CAMK4: variants seen among roughly 807,000 people sequenced by gnomAD.
The protein encoded by CAMK4 is calcium/calmodulin dependent protein kinase IV.
CAMK4 carries 22 observed loss-of-function variants against 44.9 expected under a neutral mutation model. The ratio of observed to expected loss-of-function variants is 0.49; its 90% CI spans 0.35 to 0.70. CAMK4 has a LOEUF of 0.70. CAMK4 is among the 30% of genes least tolerant of loss of function. CAMK4 has a pLI of 0.01. For missense variants in CAMK4, 498 were observed against 586.8 expected, an observed-to-expected ratio of 0.85 and a Z score of 1.56; for synonymous variants, 218 against 215.4, an observed-to-expected ratio of 1.01 and a Z score of -0.11.
intron 5 of CAMK4, among the ~76,000 whole-genome samples, chr5:111,433,455 A>G (rs1462040974): frequency 5.3e-5 from 8 of 152,342 alleles, no homozygotes; most frequent in Non-Finnish European, 1.2e-4. Flanking sequence ...GGACCCAGAA[A>G]TGAATATCTA....
rs140217584 is a variant in CAMK4 at position 111,400,985 on chromosome 5, T to C, written c.459+6203T>C. Among the ~76,000 whole-genome samples, 415 of 152,306 alleles carry C rather than the reference T, an allele frequency of 2.7e-3. 1 individual carries two copies. Among genetic ancestry groups the C allele is most frequent in the Middle Eastern group, 0.01 (3 of 294 alleles). ...TGAGTGTTTCTCTGTTTCCAAAACA[T>C]CATCATCCCCTACATTATCCCCCAC... On this transcript the variant is annotated intron_variant, in intron 5 of 10. Transcript: ENST00000282356.
At chr5:111,317,153 A>G (rs915836504) in intron 1 of CAMK4, among the ~76,000 whole-genome samples, 7 of 152,162 alleles carry the variant, frequency 4.6e-5, no homozygotes, top group African/African-American at 1.7e-4. Context: ...ATATTAATGC[A>G]TCTGATAAGA....
chr5:111,234,395 TA>T lies in CAMK4; in HGVS notation c.161+9754del, dbSNP rs1748622333. ...CACATAGAAGAAAACAGAATGAGAG[TA>T]AAGGAATACAGATTGCACATCAAGC... On this transcript the variant is annotated intron_variant, in intron 1 of 10. Coordinates refer to ENST00000282356, the MANE Select transcript of CAMK4 (RefSeq NM_001744.6). 2.0e-5 allele frequency among the ~76,000 whole-genome samples: 3 copies of T among 151,822 alleles called. No homozygotes were observed. In the Middle Eastern group the frequency reaches 0.01, roughly 516 times the overall value.
intron 2 of CAMK4, among the ~76,000 whole-genome samples, chr5:111,346,156 T>C (rs1025340266): frequency 6.6e-6 from 1 of 151,858 alleles, no homozygotes; most frequent in East Asian, 2.0e-4. Flanking sequence ...CTTCCTTGTC[T>C]AAAGGAAATG....
chr5:111,486,793 A>T lies in CAMK4; in HGVS notation c.*2327A>T, dbSNP rs1234718934. ...CTCATTTAAATGAGTGCATATTACC[A>T]TTCCTCCATGTGAGTACTCGAGTTG... On this transcript the variant is annotated 3_prime_UTR_variant, in exon 11 of 11. Transcript: ENST00000282356. 6.6e-6 allele frequency: 1 copy of T among 152,132 alleles called. No individual in the cohort carries two copies. The highest frequency in any genetic ancestry group is 1.5e-5 in the Non-Finnish European group (1 of 68,018). 9.4% of individuals were successfully genotyped at this position (152,132 alleles called of 1,614,324 possible).
At chr5:111,465,527 C>T (rs1252118353) in intron 7 of CAMK4, among the ~76,000 whole-genome samples, 1 of 152,080 alleles carries the variant, frequency 6.6e-6, no homozygotes, top group Non-Finnish European at 1.5e-5. Context: ...GGAGATACTA[C>T]AACCAATACC....
Position 111,226,443 on chromosome 5 carries a change from T to C in CAMK4, c.161+1799T>C, listed in dbSNP as rs115328853. Among the ~76,000 whole-genome samples the C allele has an allele frequency of 8.9e-3, 1,359 of 152,330 alleles. 25 individuals carry two copies. The highest frequency in any genetic ancestry group is 0.032 in the African/African-American group (1,312 of 41,576). ...ACAGAAGCTTCTCAACTTATGATGG[T>C]GTTATGTCCCAATAAGCCCACTGTA... is the stretch of plus-strand genomic sequence containing the variant. On this transcript the variant is annotated intron_variant, in intron 1 of 10. Coordinates refer to ENST00000282356, the MANE Select transcript of CAMK4 (RefSeq NM_001744.6).
chr5:111,436,040 T>A (rs1225844067), intron 5 of CAMK4, among the ~76,000 whole-genome samples: 1 of 152,114 alleles, frequency 6.6e-6, no homozygotes, highest in Admixed American at 6.5e-5. Flanking sequence ...ACCTAGCTTT[T>A]TCTGTTCATT....
At chr5:111,454,228 G>T (rs1008099384) in intron 7 of CAMK4, among the ~76,000 whole-genome samples, 1 of 152,122 alleles carries the variant, frequency 6.6e-6, no homozygotes, top group African/African-American at 2.4e-5. Context: ...TATATCCAAG[G>T]TCGATTATCC....
At chr5:111,270,775 C>T (rs1254283702) in intron 1 of CAMK4, among the ~76,000 whole-genome samples, 1 of 152,184 alleles carries the variant, frequency 6.6e-6, no homozygotes, top group Non-Finnish European at 1.5e-5. Flanking sequence ...TTCTGAGTGC[C>T]AGGCACTAGA....
At chr5:111,282,299 G>A (rs957265137) in intron 1 of CAMK4, among the ~76,000 whole-genome samples, 18 of 152,208 alleles carry the variant, frequency 1.2e-4, no homozygotes, top group African/African-American at 4.3e-4. Flanking sequence ...GGCTGATGGG[G>A]AAATTGAAAA....
rs550406576 is a variant in CAMK4, at chr5:111,429,407, A to G, written c.460-17279A>G. Among the ~76,000 whole-genome samples, 32 of 152,334 alleles carry G rather than the reference A, an allele frequency of 2.1e-4. No homozygotes were observed. The South Asian group carries it at 3.7e-3, about 18-fold the overall frequency. The stretch of plus-strand genomic sequence containing the variant: ...AAGAAATGGACAAGTTCCTAGATAC[A>G]TGCAACCTACCAAGATTGAATCAGA... On this transcript the variant is annotated intron_variant, in intron 5 of 10. Transcript: ENST00000282356.
chr5:111,443,080 G>C (rs1263852858), intron 5 of CAMK4, among the ~76,000 whole-genome samples: 1 of 149,040 alleles, frequency 6.7e-6, no homozygotes. Context: ...TTTGGGAAAA[G>C]AAAAATCATA....
At chr5:111,458,001 A>G (rs1434981738) in intron 7 of CAMK4, among the ~76,000 whole-genome samples, 2 of 152,202 alleles carry the variant, frequency 1.3e-5, no homozygotes, top group Admixed American at 1.3e-4. Context: ...GCTGCACACT[A>G]GGGTTCCTGT....
chr5:111,345,700 C>A (rs1749835691), intron 2 of CAMK4, among the ~76,000 whole-genome samples: 1 of 151,912 alleles, frequency 6.6e-6, no homozygotes, highest in South Asian at 2.1e-4. Flanking sequence ...CCAAGGGCAA[C>A]AGGCTGGTTT....
chr5:111,416,536 C>T (rs1752821195), intron 5 of CAMK4: 1 of 152,080 alleles, frequency 6.6e-6, no homozygotes, highest in African/African-American at 2.4e-5. Flanking sequence ...TACATAGAAC[C>T]TCAAGATGTT....
At chr5:111,261,448 C>T (rs758440946) in intron 1 of CAMK4, among the ~76,000 whole-genome samples, 5 of 152,156 alleles carry the variant, frequency 3.3e-5, no homozygotes, top group South Asian at 2.1e-4. Flanking sequence ...ATTTCCCTTC[C>T]GGATCTCTGA....
chr5:111,482,882 A>G lies in CAMK4; in HGVS notation c.926A>G (p.His309Arg), dbSNP rs1755481735. 6.2e-7 allele frequency: 1 copy of G among 1,613,290 alleles called. No homozygotes were observed. The highest frequency in any genetic ancestry group is 8.5e-7 in the Non-Finnish European group (1 of 1,179,690). ...WVTGKAANFV[H>R]MDTAQKKLQE... is the part of the protein sequence containing the mutation. ...ACAGGTAAAGCAGCCAATTTTGTAC[A>G]CATGGATACCGCTCAAAAGAAGCTC... The change falls in exon 10 of 11, where the codon CAC becomes CGC. Residue 309 changes from histidine to arginine, a missense_variant. Transcript: ENST00000282356. The surrounding 1 kb of genome is among the most constrained non-coding windows in gnomAD (Gnocchi z 4.9).
intron 3 of CAMK4, 63 bp downstream of exon 3, chr5:111,374,975 C>A: frequency 9.2e-7 from 1 of 1,090,078 alleles, no homozygotes; most frequent in Admixed American, 1.8e-5. Context: ...GACCTTTGTC[C>A]TTCACTGTCA....
Sources: gnomAD v4.1 joint callset for allele counts (sites outside exome capture counted in the v4.1 genomes callset) on GRCh38, gnomAD v4.1.1 for gene constraint, Gnocchi (gnomAD v3.1) non-coding constraint, MANE v1.5 for transcripts, NCBI Gene and HGNC (gene_info 2026-07-23, HGNC 2026-07-21) for gene names.